Variants in HIVEP3 observed in about 807,000 individuals in gnomAD.
HIVEP3 encodes the protein HIVEP zinc finger 3, also known as transcription factor HIVEP3.
A neutral mutation model predicts 152.8 loss-of-function variants in HIVEP3; 49 were observed. The ratio of observed to expected loss-of-function variants is 0.32; its 90% CI spans 0.26 to 0.41. HIVEP3 has a LOEUF of 0.41. Among genes scored for constraint, HIVEP3 ranks in the 10% least tolerant of loss-of-function variants. The probability of loss-of-function intolerance (pLI) is 1.00; values close to 1 mark genes in which losing one functional copy is unlikely to be tolerated. For missense variants in HIVEP3, 2,790 were observed against 3,103.3 expected, an observed-to-expected ratio of 0.90 and a Z score of 2.40; for synonymous variants, 1,269 against 1,289.0, an observed-to-expected ratio of 0.98 and a Z score of 0.33.
At chr1:41,734,444 C>A (rs796294172) in intron 1 of HIVEP3, among the ~76,000 whole-genome samples, 1 of 152,232 alleles carries the variant, frequency 6.6e-6, no homozygotes, top group Admixed American at 6.5e-5. Context: ...CCAGCCACCC[C>A]CTCCCATGCC....
At chr1:42,003,230 C>T (rs1645438825) in intron 1 of HIVEP3, among the ~76,000 whole-genome samples, 1 of 152,028 alleles carries the variant, frequency 6.6e-6, no homozygotes, top group African/African-American at 2.4e-5. Flanking sequence ...GTGTGCACCA[C>T]CACGCTCAGC....
chr1:41,946,101 G>C (rs549594480), intron 1 of HIVEP3, among the ~76,000 whole-genome samples: 103 of 152,302 alleles, frequency 6.8e-4, no homozygotes, highest in Non-Finnish European at 8.8e-4. Context: ...AACGGGAAAA[G>C]CTGGGCAAAT....
intron 1 of HIVEP3, among the ~76,000 whole-genome samples, chr1:41,807,243 G>C (rs1325388934): frequency 1.3e-5 from 2 of 152,226 alleles, no homozygotes; most frequent in Admixed American, 1.3e-4. Context: ...GGCCCCCATG[G>C]TGTTAGCCAG....
intron 1 of HIVEP3, among the ~76,000 whole-genome samples, chr1:41,888,798 A>G (rs1570745010): frequency 8.5e-6 from 1 of 118,130 alleles, no homozygotes; most frequent in South Asian, 2.9e-4. Flanking sequence ...ACACATACCA[A>G]ACACACACAC....
At chr1:41,625,609 C>T (rs1645106245) in intron 3 of HIVEP3, among the ~76,000 whole-genome samples, 1 of 152,158 alleles carries the variant, frequency 6.6e-6, no homozygotes, top group Non-Finnish European at 1.5e-5. Context: ...GTGGTCCATG[C>T]CTGTACTCCT....
chr1:41,997,471 T>C (rs1192057922), intron 1 of HIVEP3, among the ~76,000 whole-genome samples: 1 of 152,246 alleles, frequency 6.6e-6, no homozygotes, highest in Non-Finnish European at 1.5e-5. Flanking sequence ...GTGTAAATTT[T>C]AAATAGTATC....
intron 1 of HIVEP3, among the ~76,000 whole-genome samples, chr1:41,778,501 T>C (rs557826716): frequency 6.6e-6 from 1 of 152,328 alleles, no homozygotes; most frequent in Admixed American, 6.5e-5. Context: ...GGTCCCCAGG[T>C]ACAGGCTCAG....
chr1:41,671,207 C>G (rs972495524), intron 2 of HIVEP3, among the ~76,000 whole-genome samples: 1 of 152,208 alleles, frequency 6.6e-6, no homozygotes, highest in Non-Finnish European at 1.5e-5. Context: ...ACGCTGGGCC[C>G]CCAGCTGGCT....
chr1:41,868,751 A>G (rs1186333515), intron 1 of HIVEP3, among the ~76,000 whole-genome samples: 4 of 152,236 alleles, frequency 2.6e-5, no homozygotes, highest in African/African-American at 9.6e-5. Context: ...TGACACTGCC[A>G]TCTATAGGTG....
intron 5 of HIVEP3, among the ~76,000 whole-genome samples, chr1:41,544,727 CACCGCTACCATCACCACCACT>C (rs1359928882): frequency 2.0e-5 from 3 of 146,730 alleles, no homozygotes; most frequent in African/African-American, 7.8e-5. Flanking sequence ...CCTGTACCAC[CACCGCTACCATCACCACCACT>C]ACCACCACCA....
At chr1:41,686,302 G>T (rs1470114841) in intron 2 of HIVEP3, among the ~76,000 whole-genome samples, 1 of 152,066 alleles carries the variant, frequency 6.6e-6, no homozygotes, top group Non-Finnish European at 1.5e-5. Context: ...TCGAATTCCT[G>T]GGCTCAAGTG....
At chr1:42,031,794 T>C (rs995823757) in intron 1 of HIVEP3, among the ~76,000 whole-genome samples, 30 of 152,336 alleles carry the variant, frequency 2.0e-4, no homozygotes, top group African/African-American at 6.7e-4. Context: ...ATAAATACTT[T>C]GTAAATGTTG....
In HIVEP3 at chr1:41,807,282, G is replaced by A. The variant is rs1650688131; in HGVS notation, c.-800-106287C>T. Among the ~76,000 whole-genome samples the A allele has an allele frequency of 5.3e-5, 8 of 152,288 alleles. No homozygotes were observed. In the South Asian group the frequency reaches 1.7e-3, roughly 32 times the overall value. On this transcript the variant is annotated intron_variant, in intron 1 of 8. Transcript: ENST00000372583. ...TCAAGAATGAAGCTAGGACAGGAGGGGCAGAAGACGATGAAGGGAAGTGCA... is the reference window on the plus strand; with the variant it reads ...TCAAGAATGAAGCTAGGACAGGAGGAGCAGAAGACGATGAAGGGAAGTGCA...
chr1:41,627,607 G>A, intron 3 of HIVEP3, among the ~76,000 whole-genome samples: 1 of 152,164 alleles, frequency 6.6e-6, no homozygotes, highest in South Asian at 2.1e-4. Flanking sequence ...CATCTCTGAG[G>A]GCTGCCTGTG....
intron 1 of HIVEP3, among the ~76,000 whole-genome samples, chr1:41,820,654 G>A (rs1465451798): frequency 1.3e-5 from 2 of 152,154 alleles, no homozygotes; most frequent in Non-Finnish European, 2.9e-5. Context: ...ATATTTACCT[G>A]TCCCTTGAAT....
intron 1 of HIVEP3, among the ~76,000 whole-genome samples, chr1:41,713,753 A>G (rs567076269): frequency 6.6e-6 from 1 of 152,234 alleles, no homozygotes; most frequent in South Asian, 2.1e-4. Flanking sequence ...CCATGTTTTG[A>G]CTGCTTCTGA....
intron 3 of HIVEP3, among the ~76,000 whole-genome samples, chr1:41,586,026 A>G (rs1041834581): frequency 1.3e-5 from 2 of 152,182 alleles, no homozygotes; most frequent in African/African-American, 2.4e-5. Flanking sequence ...GCCTGTGAGA[A>G]CTTACAATCT....
intron 3 of HIVEP3, among the ~76,000 whole-genome samples, chr1:41,597,925 C>T (rs559397203): frequency 1.3e-5 from 2 of 152,328 alleles, no homozygotes; most frequent in African/African-American, 4.8e-5. Flanking sequence ...AATTCACCTA[C>T]TAAGTTATCT....
chr1:41,885,068 C>T (rs1644323180), intron 1 of HIVEP3, among the ~76,000 whole-genome samples: 1 of 152,174 alleles, frequency 6.6e-6, no homozygotes, highest in Admixed American at 6.5e-5. Context: ...ACAAGCTCTG[C>T]ACCAGCTGAG....
Sources: allele counts gnomAD v4.1 joint callset (sites outside exome capture counted in the v4.1 genomes callset), GRCh38; gene constraint gnomAD v4.1.1; transcripts MANE v1.5; gene names NCBI Gene and HGNC (gene_info 2026-07-23, HGNC 2026-07-21).